The following SOX6 variants were observed in gnomAD, a reference collection of about 807,000 sequenced individuals.
SOX6 encodes the protein transcription factor SOX-6.
Under a neutral mutation model 97.8 loss-of-function variants are expected in SOX6, and 11 were observed. The ratio of observed to expected loss-of-function variants is 0.11; its 90% confidence interval spans 0.07 to 0.19. The LOEUF (loss-of-function observed/expected upper bound fraction) is 0.19, where lower values mean the gene tolerates loss of function less well. Among genes scored for constraint, SOX6 ranks in the 10% least tolerant of loss-of-function variants. The pLI, the probability that SOX6 is intolerant of heterozygous loss-of-function variation, is 1.00. For synonymous variants in SOX6, 360 were observed against 371.4 expected, an observed-to-expected ratio of 0.97 and a Z score of 0.35; for missense variants, 810 against 1,039.5, an observed-to-expected ratio of 0.78 and a Z score of 3.04.
intron 3 of SOX6, among the ~76,000 whole-genome samples, chr11:16,667,993 C>T (rs1366100119): frequency 6.6e-6 from 1 of 152,154 alleles, no homozygotes; most frequent in Non-Finnish European, 1.5e-5. Flanking sequence ...TGTTTGTTTG[C>T]TTGCTTGTTT....
chr11:15,989,892 G>C (rs1208901733), intron 13 of SOX6, among the ~76,000 whole-genome samples: 2 of 152,152 alleles, frequency 1.3e-5, no homozygotes, highest in African/African-American at 2.4e-5. Context: ...TGGGTGAGAG[G>C]TGCTACAATA....
intron 9 of SOX6, among the ~76,000 whole-genome samples, chr11:16,059,887 G>GA (rs200635236): frequency 0.037 from 5,572 of 151,908 alleles, 129 homozygotes; most frequent in Middle Eastern, 0.15. Flanking sequence ...TTAAGGCAGT[G>GA]AAAAAAAGTT....
chr11:16,034,833 A>G (rs1228401411), intron 12 of SOX6, among the ~76,000 whole-genome samples: 1 of 152,166 alleles, frequency 6.6e-6, no homozygotes, highest in Non-Finnish European at 1.5e-5. Flanking sequence ...AGACATACAA[A>G]TGCAGAGAGG....
intron 4 of SOX6, among the ~76,000 whole-genome samples, chr11:16,568,908 A>G (rs1847906355): frequency 6.6e-6 from 1 of 152,034 alleles, no homozygotes; most frequent in Admixed American, 6.6e-5. Context: ...CGCAATTGTG[A>G]TTTTACCCAG....
intron 12 of SOX6, among the ~76,000 whole-genome samples, chr11:16,042,402 T>C (rs1340580706): frequency 6.6e-6 from 1 of 152,174 alleles, no homozygotes; most frequent in Non-Finnish European, 1.5e-5. Context: ...GTGACAAGTA[T>C]AGAGAAAGCA....
At chr11:16,533,241 A>C (rs1436846990) in intron 4 of SOX6, among the ~76,000 whole-genome samples, 1 of 151,976 alleles carries the variant, frequency 6.6e-6, no homozygotes, top group African/African-American at 2.4e-5. Context: ...CAATAGAAAC[A>C]TAGTATTTAA....
At chr11:16,514,574 T>C (rs1237503399) in intron 4 of SOX6, among the ~76,000 whole-genome samples, 1 of 152,070 alleles carries the variant, frequency 6.6e-6, no homozygotes, top group African/African-American at 2.4e-5. Context: ...ACTTTAAGTT[T>C]TAGGGTACAT....
intron 2 of SOX6, among the ~76,000 whole-genome samples, chr11:16,730,029 A>AATATATATATATATATATAT (rs34591978): frequency 6.0e-4 from 86 of 142,586 alleles, no homozygotes; most frequent in African/African-American, 2.1e-3. Flanking sequence ...AACTATCCTA[A>AATATATATATATATATATAT]ATATATATAT....
chr11:16,316,650 AATC>A (rs1369717414), intron 3 of SOX6: 4 of 152,104 alleles, frequency 2.6e-5, no homozygotes, highest in South Asian at 2.1e-4. Context: ...TCAGGAAAAA[AATC>A]ATCATCAATC....
intron 9 of SOX6, among the ~76,000 whole-genome samples, chr11:16,078,087 T>A (rs1848397520): frequency 6.6e-6 from 1 of 152,218 alleles, no homozygotes. Flanking sequence ...TGTAATTTAG[T>A]TCTTGAAGTA....
chr11:16,002,385 CCTGT>C (rs1854431748), intron 13 of SOX6, among the ~76,000 whole-genome samples: 1 of 152,082 alleles, frequency 6.6e-6, no homozygotes, highest in Non-Finnish European at 1.5e-5. Context: ...AGTTTTGATG[CCTGT>C]GTTTACTTTT....
At position 16,464,014 on chromosome 11, in the gene SOX6, C is replaced by A. The variant is rs186183856; in HGVS notation, c.-5+12301G>T. 7.9e-5 allele frequency among the ~76,000 whole-genome samples: 12 copies of A among 152,190 alleles called. No individual in the cohort carries two copies. In the East Asian group the frequency reaches 2.3e-3, roughly 29 times the overall value. Reference sequence around the variant, plus strand: ...CCAGAGAAACACAACTAGGGACATCCCTGATGGTTATAACTTTATGGTTAT... The same window carrying A: ...CCAGAGAAACACAACTAGGGACATCACTGATGGTTATAACTTTATGGTTAT... On this transcript the variant is annotated intron_variant, in intron 1 of 15. Transcript: ENST00000396356.
At chr11:16,327,446 C>G (rs889953524) in intron 2 of SOX6, among the ~76,000 whole-genome samples, 8 of 152,150 alleles carry the variant, frequency 5.3e-5, no homozygotes, top group African/African-American at 1.9e-4. Context: ...ATAATAAATA[C>G]TAAACTACAT....
intron 4 of SOX6, among the ~76,000 whole-genome samples, chr11:16,602,621 G>T (rs1361106980): frequency 6.6e-6 from 1 of 152,168 alleles, no homozygotes; most frequent in Non-Finnish European, 1.5e-5. Flanking sequence ...CTTTTCTCCT[G>T]TTACAAGAAA....
intron 12 of SOX6, among the ~76,000 whole-genome samples, chr11:16,017,006 AT>A: frequency 1.3e-5 from 2 of 152,016 alleles, no homozygotes; most frequent in Admixed American, 6.6e-5. Context: ...TCTCAGTAAA[AT>A]AAAATAAAAT....
intron 12 of SOX6, among the ~76,000 whole-genome samples, chr11:16,035,230 G>A (rs1019452694): frequency 6.6e-6 from 1 of 152,180 alleles, no homozygotes; most frequent in Non-Finnish European, 1.5e-5. Context: ...GGAAGAAGGT[G>A]AAGTCCGTCT....
At chr11:16,645,374 C>T (rs1233240429) in intron 3 of SOX6, among the ~76,000 whole-genome samples, 1 of 152,158 alleles carries the variant, frequency 6.6e-6, no homozygotes, top group African/African-American at 2.4e-5. Context: ...TTGGTCACCA[C>T]ATATTTCGGG....
At chr11:16,342,837 C>A (rs1176005385) in intron 1 of SOX6, among the ~76,000 whole-genome samples, 12 of 151,608 alleles carry the variant, frequency 7.9e-5, no homozygotes. Flanking sequence ...TTTTGAAGTG[C>A]TTTGAAACAT....
At chr11:16,260,696 C>T (rs1384712368) in intron 3 of SOX6, among the ~76,000 whole-genome samples, 2 of 152,184 alleles carry the variant, frequency 1.3e-5, no homozygotes, top group Non-Finnish European at 1.5e-5. Flanking sequence ...AGACAAGTAG[C>T]TGGGGAATTA....
Sources: gnomAD v4.1 joint callset for allele counts (sites outside exome capture counted in the v4.1 genomes callset) on GRCh38, gnomAD v4.1.1 for gene constraint, MANE v1.5 for transcripts, NCBI Gene and HGNC (gene_info 2026-07-23, HGNC 2026-07-21) for gene names.